The following GRID2 variants were observed in gnomAD, a reference collection of about 807,000 sequenced individuals.
GRID2 encodes glutamate ionotropic receptor delta type subunit 2.
Under a neutral mutation model 114.8 loss-of-function variants are expected in GRID2, and 33 were observed. That is an observed-to-expected ratio of 0.29 (90% confidence interval 0.22 to 0.38). The LOEUF is 0.38. GRID2 is among the 10% of genes least tolerant of loss of function. The probability of loss-of-function intolerance (pLI) is 1.00; values close to 1 mark genes in which losing one functional copy is unlikely to be tolerated. For missense variants in GRID2, 1,184 were observed against 1,257.7 expected, an observed-to-expected ratio of 0.94 and a Z score of 0.89; for synonymous variants, 505 against 449.9, an observed-to-expected ratio of 1.12 and a Z score of -1.55.
intron 8 of GRID2, among the ~76,000 whole-genome samples, chr4:93,271,470 A>G (rs1422331626): frequency 6.6e-6 from 1 of 152,144 alleles, no homozygotes; most frequent in Non-Finnish European, 1.5e-5. Context: ...AATCATAGTC[A>G]TGGCCTGATA....
At chr4:93,105,137 C>T (rs1438066479) in intron 3 of GRID2, among the ~76,000 whole-genome samples, 2 of 152,090 alleles carry the variant, frequency 1.3e-5, no homozygotes, top group African/African-American at 4.8e-5. Context: ...TGTCCTTTGC[C>T]CATTTTTGAT....
At position 92,732,139 on chromosome 4, in the gene GRID2, C is replaced by A. The variant is rs78811798; in HGVS notation, c.244+141853C>A. 2.7e-3 allele frequency among the ~76,000 whole-genome samples: 418 copies of A among 152,030 alleles called. 10 individuals carry two copies. The East Asian group carries it at 0.042, about 15-fold the overall frequency. On this transcript the variant is annotated intron_variant, in intron 2 of 15. Transcript: ENST00000282020. ...AATGTTTAGTATATTGTAGTCAACACCCCATCCCATTCATTTAAATTTTGC... is the reference window on the plus strand; with the variant it reads ...AATGTTTAGTATATTGTAGTCAACAACCCATCCCATTCATTTAAATTTTGC...
At chr4:92,400,935 A>C (rs1017686243) in intron 1 of GRID2, among the ~76,000 whole-genome samples, 1 of 152,126 alleles carries the variant, frequency 6.6e-6, no homozygotes, top group Non-Finnish European at 1.5e-5. Flanking sequence ...GCAAATTTTT[A>C]AATTTATCTT....
chr4:92,902,313 G>T (rs1747638054), intron 2 of GRID2, among the ~76,000 whole-genome samples: 1 of 151,924 alleles, frequency 6.6e-6, no homozygotes, highest in Non-Finnish European at 1.5e-5. Context: ...TTCTGATTGT[G>T]TCTATTTGAA....
At chr4:93,253,111 C>T (rs886228014) in intron 8 of GRID2, among the ~76,000 whole-genome samples, 1 of 116,714 alleles carries the variant, frequency 8.6e-6, no homozygotes, top group African/African-American at 3.3e-5. Context: ...AAAAAATTAG[C>T]TGGGTGTGGT....
At chr4:92,487,797 G>A (rs28455487) in intron 1 of GRID2, among the ~76,000 whole-genome samples, 3,015 of 151,878 alleles carry the variant, frequency 0.02, 94 homozygotes, top group African/African-American at 0.068. Flanking sequence ...GCTACATAGT[G>A]TTGTCTTGGG....
chr4:92,513,130 T>C (rs1421083445), intron 1 of GRID2, among the ~76,000 whole-genome samples: 2 of 151,938 alleles, frequency 1.3e-5, no homozygotes, highest in African/African-American at 2.4e-5. Flanking sequence ...TATGGATTTG[T>C]ATCATTGTTA....
intron 13 of GRID2, among the ~76,000 whole-genome samples, chr4:93,625,005 G>T (rs1007263151): frequency 6.6e-6 from 1 of 152,154 alleles, no homozygotes; most frequent in Non-Finnish European, 1.5e-5. Context: ...TCTAAGTTCA[G>T]CTGCAAGATA....
intron 10 of GRID2, among the ~76,000 whole-genome samples, chr4:93,452,793 G>A (rs1359150363): frequency 1.3e-5 from 2 of 151,968 alleles, no homozygotes; most frequent in African/African-American, 2.4e-5. Context: ...CCTAAGAAGG[G>A]TAAGAATAAA....
chr4:93,303,993 C>T (rs1456300053), intron 8 of GRID2, among the ~76,000 whole-genome samples: 1 of 151,708 alleles, frequency 6.6e-6, no homozygotes, highest in Non-Finnish European at 1.5e-5. Context: ...TTTCTCATTG[C>T]TTATATTGCA....
rs111260751 is a variant in GRID2 at position 92,816,783 on chromosome 4, T to A, written c.244+226497T>A. ...GTTTATGAAAGAGTTTTTGTGGATT[T>A]AGTAAAAGATTAAACTCATTAACAA... On this transcript the variant is annotated intron_variant, in intron 2 of 15. Coordinates refer to ENST00000282020, the MANE Select transcript of GRID2 (RefSeq NM_001510.4). 6.7e-3 allele frequency among the ~76,000 whole-genome samples: 1,017 copies of A among 152,282 alleles called. 18 individuals carry two copies. The highest frequency in any genetic ancestry group is 0.023 in the African/African-American group (954 of 41,584).
At chr4:92,736,929 G>C (rs1288987730) in intron 2 of GRID2, among the ~76,000 whole-genome samples, 1 of 152,122 alleles carries the variant, frequency 6.6e-6, no homozygotes, top group Non-Finnish European at 1.5e-5. Flanking sequence ...TGTGCTGAGA[G>C]ATGGTTGCTT....
intron 14 of GRID2, among the ~76,000 whole-genome samples, chr4:93,730,731 G>A (rs1399628849): frequency 6.6e-6 from 1 of 152,242 alleles, no homozygotes; most frequent in African/African-American, 2.4e-5. Context: ...GAAAAGTACT[G>A]AGTACTGAGT....
intron 14 of GRID2, among the ~76,000 whole-genome samples, chr4:93,670,063 A>G (rs956077963): frequency 7.9e-5 from 12 of 152,196 alleles, no homozygotes; most frequent in Admixed American, 2.6e-4. Flanking sequence ...GTAGGAGCAT[A>G]TAAAGTCTAC....
intron 2 of GRID2, among the ~76,000 whole-genome samples, chr4:92,949,642 G>A (rs1043103127): frequency 6.6e-6 from 1 of 151,304 alleles, no homozygotes; most frequent in African/African-American, 2.4e-5. Flanking sequence ...ATTCTTTCAG[G>A]TAGAATTTGG....
At position 92,556,777 on chromosome 4, in the gene GRID2, T is replaced by C. The variant is rs577689775; in HGVS notation, c.89-33354T>C. On this transcript the variant is annotated intron_variant, in intron 1 of 15. Transcript: ENST00000282020. ...CCTCTCCACAGAGTAGTTTACAACA[T>C]GGCAACAGCCTCTCTAGTTAGTATG... is the stretch of plus-strand genomic sequence containing the variant. Among the ~76,000 whole-genome samples the C allele has an allele frequency of 3.3e-5, 5 of 152,236 alleles. No homozygotes were observed. The South Asian group carries it at 1.0e-3, about 32-fold the overall frequency.
At chr4:92,502,599 A>T (rs1723739183) in intron 1 of GRID2, among the ~76,000 whole-genome samples, 1 of 151,272 alleles carries the variant, frequency 6.6e-6, no homozygotes, top group Admixed American at 6.6e-5. Context: ...TTAAATTTTG[A>T]TACAAAGATA....
intron 1 of GRID2, among the ~76,000 whole-genome samples, chr4:93,803,451 C>T (rs926503067): frequency 1.1e-4 from 16 of 152,072 alleles, no homozygotes; most frequent in Admixed American, 6.5e-5. Context: ...TGGCCGGGTG[C>T]GGTGGCTCGC....
intron 10 of GRID2, among the ~76,000 whole-genome samples, chr4:93,453,318 G>A (rs1180526758): frequency 3.8e-5 from 1 of 26,428 alleles, no homozygotes; most frequent in Non-Finnish European, 1.0e-4. Flanking sequence ...AGATGGGAAA[G>A]AGAGAGAGAG....
Sources: allele counts gnomAD v4.1 joint callset (sites outside exome capture counted in the v4.1 genomes callset), GRCh38; gene constraint gnomAD v4.1.1; transcripts MANE v1.5; gene names NCBI Gene and HGNC (gene_info 2026-07-23, HGNC 2026-07-21).